CELSR3: variants seen among roughly 807,000 people sequenced by gnomAD.
The protein encoded by CELSR3 is cadherin EGF LAG seven-pass G-type receptor 3, also known as EGF-like protein 1.
A neutral mutation model predicts 270.0 loss-of-function variants in CELSR3; 73 were observed. That is an observed-to-expected ratio of 0.27 (90% confidence interval 0.22 to 0.33). The LOEUF is 0.33. Among genes scored for constraint, CELSR3 ranks in the 10% least tolerant of loss-of-function variants. The pLI is 1.00. For missense variants in CELSR3, 3,614 were observed against 4,533.8 expected (o/e 0.80, Z 5.83); for synonymous variants, 1,780 against 1,905.4 (o/e 0.93, Z 1.71).
rs2077055291 is a variant in CELSR3, at chr3:48,660,147, C to T, written c.2488G>A (p.Val830Ile). 1 of 1,614,114 alleles carries T rather than the reference C, an allele frequency of 6.2e-7. No individual in the cohort carries two copies. The stretch of plus-strand genomic sequence containing the variant: ...AGGGCACGGTCAGATGCAGTTAGTA[C>T]CAGCTTGAAGTAGCGTTCCTGCTTG... ...DYKQERYFKL[V>I]LTASDRALHD... The change falls in exon 1 of 35, where the codon GTA becomes ATA. Residue 830 changes from valine to isoleucine, a missense_variant. Val to Ile is a conservative substitution (Grantham distance 29, BLOSUM62 3). Transcript: ENST00000164024. The surrounding 1 kb of genome is among the most constrained non-coding windows in gnomAD (Gnocchi z 5.5).
In CELSR3 at chr3:48,660,124, G is replaced by C; in HGVS notation, c.2511C>G (p.Ala837=). The C allele has an allele frequency of 6.2e-7, 1 of 1,614,162 alleles. No homozygotes were observed. The highest frequency in any genetic ancestry group is 8.5e-7 in the Non-Finnish European group (1 of 1,180,038). The stretch of plus-strand genomic sequence containing the variant: ...TGTGCACATAGCAGTGATCATGAAG[G>C]GCACGGTCAGATGCAGTTAGTACCA... The part of the protein sequence containing the change: ...FKLVLTASDR[A]LHDHCYVHIN... The change falls in exon 1 of 35, where the codon GCC becomes GCG. Residue 837 remains alanine, a synonymous_variant. Coordinates refer to ENST00000164024, the MANE Select transcript of CELSR3 (RefSeq NM_001407.3). This position sits in a 1 kb window ranked among gnomAD's most constrained non-coding sequence, Gnocchi z 5.5.
Position 48,638,247 on chromosome 3 carries a change from G to A in CELSR3, c.9912-15C>T. The A allele has an allele frequency of 4.3e-6, 7 of 1,609,790 alleles. No homozygotes were observed. Among genetic ancestry groups the A allele is most frequent in the Non-Finnish European group, 6.0e-6 (7 of 1,176,448 alleles). Reference sequence around the variant, plus strand: ...TTCTGGGAACTCTGGAGGCACATGAGGAAATCAGAGGTTGATGCCCAGAGG... The same window carrying A: ...TTCTGGGAACTCTGGAGGCACATGAAGAAATCAGAGGTTGATGCCCAGAGG... On this transcript the variant is annotated splice_polypyrimidine_tract_variant and intron_variant, in intron 34 of 34. Transcript: ENST00000164024.
In CELSR3 at chr3:48,642,746, T is replaced by C; in HGVS notation, c.8545A>G (p.Ser2849Gly). The C allele has an allele frequency of 5.0e-6, 8 of 1,610,678 alleles. No homozygotes were observed. Among genetic ancestry groups the C allele is most frequent in the African/African-American group, 1.3e-5 (1 of 75,016 alleles). ...GGCTCTTCCTCTCACCTGAGGTAGC[T>C]GCGGCCCCGCTGGCTGTCCTGGTCC... ...TQDQDSQRGR[S>G]YLRDNVLVRH... The change falls in exon 30 of 35, where the codon AGC becomes GGC. Residue 2849 changes from serine (S) to glycine (G), a missense_variant. This residue lies in a region of CELSR3 where 1,240 missense variants were observed against 1,351.7 expected (regional missense o/e 0.92). Transcript: ENST00000164024. This position sits in a 1 kb window ranked among gnomAD's most constrained non-coding sequence, Gnocchi z 6.1.
chr3:48,645,233 G>C lies in CELSR3; in HGVS notation c.7798-24C>G. On this transcript the variant is annotated intron_variant, in intron 24 of 34. Coordinates refer to ENST00000164024, the MANE Select transcript of CELSR3 (RefSeq NM_001407.3). This position sits in a 1 kb window ranked among gnomAD's most constrained non-coding sequence, Gnocchi z 5.4. Reference sequence around the variant, plus strand: ...AGCTGAGGGCAGGGGGGCGTGTCAGGACCTCTCCTGCCTCACCCACCTCTG... The same window carrying C: ...AGCTGAGGGCAGGGGGGCGTGTCAGCACCTCTCCTGCCTCACCCACCTCTG... The C allele has an allele frequency of 6.4e-7, 1 of 1,556,686 alleles. No individual in the cohort carries two copies. The highest frequency in any genetic ancestry group is 1.2e-5 in the South Asian group (1 of 83,202).
Position 48,650,725 on chromosome 3 carries a change from G to C in CELSR3, c.6371-144C>G. 7.7e-6 allele frequency: 8 copies of C among 1,037,498 alleles called. No individual in the cohort carries two copies. The highest frequency in any genetic ancestry group is 1.1e-5 in the Non-Finnish European group (8 of 718,460). The allele number at this position is 1,037,498 out of a possible 1,614,324, so 64.3% of individuals were successfully genotyped here. On this transcript the variant is annotated intron_variant, in intron 15 of 34. Coordinates refer to ENST00000164024, the MANE Select transcript of CELSR3 (RefSeq NM_001407.3). The surrounding 1 kb of genome is among the most constrained non-coding windows in gnomAD (Gnocchi z 5.1). ...CAGGAGCTGACCTGTCAGATTCTGT[G>C]ACAGGTCAGCAAAGTACTTGGGGCA...
chr3:48,656,503 C>G, intron 2 of CELSR3, 138 bp from the exon 3 acceptor site: 1 of 1,128,242 alleles, frequency 8.9e-7, no homozygotes. Flanking sequence ...CCCCTTCCGT[C>G]TGGCCCCGCC....
In CELSR3 at chr3:48,653,525, G is replaced by A. The variant is rs1054987837; in HGVS notation, c.5448+94C>T. ...TGTGGTTGGGACACCTGGCAGAAAA[G>A]TATGCTGTGTGACCAACCTGAACCC... On this transcript the variant is annotated intron_variant, in intron 9 of 34. Coordinates refer to ENST00000164024, the MANE Select transcript of CELSR3 (RefSeq NM_001407.3). The surrounding 1 kb of genome is among the most constrained non-coding windows in gnomAD (Gnocchi z 6.5). 2.1e-6 allele frequency: 3 copies of A among 1,462,960 alleles called. No homozygotes were observed. The African/African-American group carries it at 4.2e-5, about 20-fold the overall frequency. 90.6% of individuals were successfully genotyped at this position (1,462,960 alleles called of 1,614,324 possible). A position where few individuals can be genotyped will look rare whatever the true frequency, so the allele number is the denominator to read the frequency against.
In CELSR3 at chr3:48,640,097, C is replaced by A. The variant is rs144112915; in HGVS notation, c.9488G>T (p.Arg3163Leu). 1 of 1,611,090 alleles carries A rather than the reference C, an allele frequency of 6.2e-7. No homozygotes were observed. ...LSTLPPPRRT[R>L]DLDPQPPPLP... ...AGGTGGGGGCTGTGGGTCAAGGTCC[C>A]GGGTGCGGCGGGGCGGAGGCAGCGT... Residue 3163 changes from arginine to leucine, a missense_variant, in exon 34 of 35, where the codon CGG (arginine) becomes CTG (leucine). Arg to Leu is a moderately radical substitution (Grantham distance 102). Transcript: ENST00000164024. The surrounding 1 kb of genome is among the most constrained non-coding windows in gnomAD (Gnocchi z 7.5).
chr3:48,646,629 G>T lies in CELSR3; in HGVS notation c.7295+134C>A. ...AACTCCAGAGAATAAGATTCACACAGAACCCGGCAAGGATGGGGCTCCCTG... is the reference window on the plus strand; with the variant it reads ...AACTCCAGAGAATAAGATTCACACATAACCCGGCAAGGATGGGGCTCCCTG... On this transcript the variant is annotated intron_variant, in intron 21 of 34. Coordinates refer to ENST00000164024, the MANE Select transcript of CELSR3 (RefSeq NM_001407.3). The surrounding 1 kb of genome is among the most constrained non-coding windows in gnomAD (Gnocchi z 4.8). 1.1e-6 allele frequency: 1 copy of T among 911,820 alleles called. No individual in the cohort carries two copies. Among genetic ancestry groups the T allele is most frequent in the Non-Finnish European group, 1.6e-6 (1 of 610,800 alleles). 56.5% of individuals were successfully genotyped at this position (911,820 alleles called of 1,614,324 possible).
At chr3:48,648,570 AG>A in intron 18 of CELSR3, 109 bp from the exon 19 acceptor site, 1 of 1,376,474 alleles carries the variant, frequency 7.3e-7, no homozygotes, top group Non-Finnish European at 9.7e-7. Context: ...CCAACAGGCA[AG>A]GGGGCGGGGC....
In CELSR3 at chr3:48,661,328, G is replaced by C. The variant is rs375958257; in HGVS notation, c.1307C>G (p.Ala436Gly). 1.3e-5 allele frequency: 21 copies of C among 1,613,218 alleles called. No individual in the cohort carries two copies. The African/African-American group carries it at 2.5e-4, about 19-fold the overall frequency. The change falls in exon 1 of 35, where the codon GCG becomes GGG. Residue 436 changes from alanine (A) to glycine (G), a missense_variant. By Grantham distance (60) the Ala-to-Gly change is moderately conservative (BLOSUM62 0). Coordinates refer to ENST00000164024, the MANE Select transcript of CELSR3 (RefSeq NM_001407.3). ...RNDHSPVFEQ[A>G]QYRETLRENV... ...CTCGCGAAGGGTCTCCCGGTACTGC[G>C]CTTGCTCAAAAACCGGCGAGTGGTC...
chr3:48,646,396 T>A lies in CELSR3; in HGVS notation c.7296-139A>T, dbSNP rs1050811988. 1.0e-6 allele frequency: 1 copy of A among 958,110 alleles called. No individual in the cohort carries two copies. The highest frequency in any genetic ancestry group is 1.7e-5 in the African/African-American group (1 of 60,238). 59.4% of individuals were successfully genotyped at this position (958,110 alleles called of 1,614,324 possible). The stretch of plus-strand genomic sequence containing the variant: ...CCAGAGTGGAAGCTGTTTCTAAGAA[T>A]CCCTCCAGCTTCTGCTGGGCTGCTG... On this transcript the variant is annotated intron_variant, in intron 21 of 34. Coordinates refer to ENST00000164024, the MANE Select transcript of CELSR3 (RefSeq NM_001407.3). The surrounding 1 kb of genome is among the most constrained non-coding windows in gnomAD (Gnocchi z 4.8).
rs2077069781 is a variant in CELSR3 at position 48,661,939 on chromosome 3, C to T, written c.696G>A (p.Arg232=). 2 of 1,613,348 alleles carry T rather than the reference C, an allele frequency of 1.2e-6. No individual in the cohort carries two copies. The highest frequency in any genetic ancestry group is 1.1e-5 in the South Asian group (1 of 91,088). ...ATCCCGAGGCCCCTGGAAGACAGTT[C>T]CGCCGGGGGGCTGTCCTTTCTGCTC... The part of the protein sequence containing the change: ...TSGAERTAPR[R]NCLPGASGSG... The change falls in exon 1 of 35, where the codon CGG becomes CGA. Residue 232 remains arginine (R), a synonymous_variant. Transcript: ENST00000164024.
chr3:48,660,681 C>A lies in CELSR3; in HGVS notation c.1954G>T (p.Val652Phe). The change falls in exon 1 of 35, where the codon GTC becomes TTC. Residue 652 changes from valine (V) to phenylalanine (F), a missense_variant. Val to Phe is a conservative substitution (Grantham distance 50, BLOSUM62 -1). Coordinates refer to ENST00000164024, the MANE Select transcript of CELSR3 (RefSeq NM_001407.3). This position sits in a 1 kb window ranked among gnomAD's most constrained non-coding sequence, Gnocchi z 5.5. ...ACAGAAACTTGGAAGGGCGTGCTGACAAAAATAGGAATGTGGTCATTGATG... is the reference window on the plus strand; with the variant it reads ...ACAGAAACTTGGAAGGGCGTGCTGAAAAAAATAGGAATGTGGTCATTGATG... ...VDINDHIPIF[V>F]STPFQVSVLE... 6.2e-7 allele frequency: 1 copy of A among 1,614,080 alleles called. No individual in the cohort carries two copies. The highest frequency in any genetic ancestry group is 1.1e-5 in the South Asian group (1 of 91,090).
rs750906722 is a variant in CELSR3, at chr3:48,662,620, C to T, written c.15G>A (p.Arg5=). 1.1e-5 allele frequency: 16 copies of T among 1,426,164 alleles called. No individual in the cohort carries two copies. The highest frequency in any genetic ancestry group is 2.5e-4 in the Middle Eastern group (1 of 3,972). The allele number at this position is 1,426,164 out of a possible 1,614,324, so 88.3% of individuals were successfully genotyped here. The stretch of plus-strand genomic sequence containing the variant: ...GTCCCCCGAGGCCCCGCCACGGCGG[C>T]CGCCTCGCCATCATCCCCCGCCTCC... The part of the protein sequence containing the change: MMAR[R]PPWRGLGGRS... The change falls in exon 1 of 35, where the codon CGG becomes CGA. Residue 5 remains arginine (R), a synonymous_variant. Coordinates refer to ENST00000164024, the MANE Select transcript of CELSR3 (RefSeq NM_001407.3). This position sits in a 1 kb window ranked among gnomAD's most constrained non-coding sequence, Gnocchi z 7.1.
rs1010316358 is a variant in CELSR3, at chr3:48,659,480, C to T, written c.3155G>A (p.Ser1052Asn). 1.2e-6 allele frequency: 2 copies of T among 1,614,114 alleles called. No homozygotes were observed. Among genetic ancestry groups the T allele is most frequent in the Non-Finnish European group, 8.5e-7 (1 of 1,180,052 alleles). Residue 1052 changes from serine to asparagine, a missense_variant, in exon 1 of 35, where the codon AGT (serine) becomes AAT (asparagine). This residue lies in a region of CELSR3 where 1,331 missense variants were observed against 1,933.7 expected (regional missense o/e 0.69). Coordinates refer to ENST00000164024, the MANE Select transcript of CELSR3 (RefSeq NM_001407.3). This position sits in a 1 kb window ranked among gnomAD's most constrained non-coding sequence, Gnocchi z 8.1. ...CACATCCTGCACCATCACCTGGATA[C>T]TGACTGGAGTCCGGAGTGGGGGCAC... ...RGVPPLRTPV[S>N]IQVMVQDVND...
chr3:48,643,196 G>A, intron 28 of CELSR3, 113 bp from the exon 29 acceptor site: 2 of 743,616 alleles, frequency 2.7e-6, no homozygotes, highest in Non-Finnish European at 4.6e-6. Context: ...GGGTCAGTGA[G>A]GAGCCCATGC....
Position 48,646,382 on chromosome 3 carries a change from G to T in CELSR3, c.7296-125C>A. On this transcript the variant is annotated intron_variant, in intron 21 of 34. Transcript: ENST00000164024. The surrounding 1 kb of genome is among the most constrained non-coding windows in gnomAD (Gnocchi z 4.8). ...GGTCTGGGATGTCCCCAGAGTGGAAGCTGTTTCTAAGAATCCCTCCAGCTT... is the reference window on the plus strand; with the variant it reads ...GGTCTGGGATGTCCCCAGAGTGGAATCTGTTTCTAAGAATCCCTCCAGCTT... The T allele has an allele frequency of 9.4e-7, 1 of 1,062,818 alleles. No individual in the cohort carries two copies. Among genetic ancestry groups the T allele is most frequent in the Non-Finnish European group, 1.3e-6 (1 of 752,888 alleles). The allele number at this position is 1,062,818 out of a possible 1,614,324, so 65.8% of individuals were successfully genotyped here. A position where few individuals can be genotyped will look rare whatever the true frequency, so the allele number is the denominator to read the frequency against.
chr3:48,653,213 G>C lies in CELSR3; in HGVS notation c.5449-26C>G. 2 of 1,605,578 alleles carry C rather than the reference G, an allele frequency of 1.2e-6. No homozygotes were observed. Among genetic ancestry groups the C allele is most frequent in the South Asian group, 1.1e-5 (1 of 90,652 alleles). ...CTGTGGGCAGAGATGCATAGCCCTG[G>C]GGTTAGAGCCCCATGTGGGCTGGGA... On this transcript the variant is annotated intron_variant, in intron 9 of 34. Coordinates refer to ENST00000164024, the MANE Select transcript of CELSR3 (RefSeq NM_001407.3). The surrounding 1 kb of genome is among the most constrained non-coding windows in gnomAD (Gnocchi z 6.5).
Sources: gnomAD v4.1 joint callset for allele counts on GRCh38, gnomAD v4.1.1 for gene constraint, gnomAD v4.1.1 regional missense constraint, Gnocchi (gnomAD v3.1) non-coding constraint, MANE v1.5 for transcripts, NCBI Gene and HGNC (gene_info 2026-07-23, HGNC 2026-07-21) for gene names.